CTNNA1: variants seen among roughly 807,000 people sequenced by gnomAD.
The protein encoded by CTNNA1 is catenin alpha 1.
CTNNA1 carries 37 observed loss-of-function variants against 98.4 expected under a neutral mutation model. That is an observed-to-expected ratio of 0.38 (90% CI 0.29 to 0.49). The LOEUF (loss-of-function observed/expected upper bound fraction) is 0.49. Ranked by LOEUF, CTNNA1 falls within the 20% of genes least tolerant of loss-of-function variation. The pLI, the probability that CTNNA1 is intolerant of heterozygous loss-of-function variation, is 0.95. For synonymous variants in CTNNA1, 404 were observed against 413.2 expected (o/e 0.98, Z 0.27); for missense variants, 761 against 1,147.2 (o/e 0.66, Z 4.86).
At chr5:138,887,756 G>A in intron 9 of CTNNA1, 114 bp downstream of exon 9, 2 of 817,124 alleles carry the variant, frequency 2.4e-6, no homozygotes, top group Non-Finnish European at 3.9e-6. Context: ...CATACAACAT[G>A]TCTGAGATGA....
At chr5:138,771,098 A>G (rs1354724587) in intron 1 of CTNNA1, among the ~76,000 whole-genome samples, 2 of 152,118 alleles carry the variant, frequency 1.3e-5, no homozygotes, top group Admixed American at 6.6e-5. Context: ...CATTATTGCA[A>G]TGAAGGCTTC....
intron 10 of CTNNA1, among the ~76,000 whole-genome samples, chr5:138,917,301 T>G (rs1761999594): frequency 6.6e-6 from 1 of 152,222 alleles, no homozygotes; most frequent in African/African-American, 2.4e-5. Flanking sequence ...AATAGGAGAA[T>G]AACAGTGTGT....
chr5:138,762,641 GTT>G (rs547785205), intron 1 of CTNNA1, among the ~76,000 whole-genome samples: 2 of 144,150 alleles, frequency 1.4e-5, no homozygotes. Flanking sequence ...TTAATTTGTG[GTT>G]TTTTTTTTTT....
chr5:138,824,306 G>A (rs1760411663), intron 5 of CTNNA1, among the ~76,000 whole-genome samples: 1 of 152,130 alleles, frequency 6.6e-6, no homozygotes, highest in Non-Finnish European at 1.5e-5. Flanking sequence ...GTAGAAGTGG[G>A]TGTGGGGTGG....
intron 9 of CTNNA1, among the ~76,000 whole-genome samples, chr5:138,897,993 G>T (rs1218771321): frequency 6.6e-6 from 1 of 152,114 alleles, no homozygotes; most frequent in Non-Finnish European, 1.5e-5. Context: ...GATACAGTTT[G>T]GGTATTTGTC....
chr5:138,824,592 C>CG lies in CTNNA1; in HGVS notation c.652dup (p.Val218GlyfsTer16). The CG allele has an allele frequency of 6.2e-7, 1 of 1,614,216 alleles. No individual in the cohort carries two copies. Among genetic ancestry groups the CG allele is most frequent in the Non-Finnish European group, 8.5e-7 (1 of 1,180,040 alleles). On this transcript the variant is annotated frameshift_variant, in exon 6 of 18. Transcript: ENST00000302763. LOFTEE classifies it high-confidence loss of function. ...CAGCTAGAGGAATCCTGCAGAAGAA[C>CG]GTTCCGATCCTCTATACTGCATCCC...
At chr5:138,890,255 G>A (rs1755058455) in intron 9 of CTNNA1, among the ~76,000 whole-genome samples, 1 of 152,138 alleles carries the variant, frequency 6.6e-6, no homozygotes, top group Admixed American at 6.5e-5. Flanking sequence ...TGTTTGGGTT[G>A]AGTGCTCCTC....
chr5:138,806,049 A>C (rs1758049650), intron 3 of CTNNA1, among the ~76,000 whole-genome samples: 1 of 152,130 alleles, frequency 6.6e-6, no homozygotes, highest in South Asian at 2.1e-4. Context: ...GGTTTTGATA[A>C]ATTTTGTAAG....
chr5:138,813,259 A>G (rs1581123320), intron 5 of CTNNA1, among the ~76,000 whole-genome samples: 1 of 152,208 alleles, frequency 6.6e-6, no homozygotes, highest in African/African-American at 2.4e-5. Context: ...TCTTTGCATG[A>G]CATCTGCACA....
At chr5:138,810,663 C>T (rs1030256540) in intron 4 of CTNNA1, among the ~76,000 whole-genome samples, 1 of 152,202 alleles carries the variant, frequency 6.6e-6, no homozygotes, top group African/African-American at 2.4e-5. Context: ...TAGTACAGAA[C>T]AAAATGAAGT....
At chr5:138,905,158 C>T (rs539920526) in intron 10 of CTNNA1, among the ~76,000 whole-genome samples, 11 of 151,038 alleles carry the variant, frequency 7.3e-5, no homozygotes. Flanking sequence ...AACATGATGG[C>T]GTGCACCTGT....
rs574776607 is a variant in CTNNA1 at position 138,847,541 on chromosome 5, C to T, written c.1062+19823C>T. 9.2e-5 allele frequency among the ~76,000 whole-genome samples: 14 copies of T among 152,196 alleles called. No homozygotes were observed. The South Asian group carries it at 1.5e-3, about 16-fold the overall frequency. On this transcript the variant is annotated intron_variant, in intron 7 of 17. Coordinates refer to ENST00000302763, the MANE Select transcript of CTNNA1 (RefSeq NM_001903.5). ...GTCCACTTTTTATTGTTGCTTTATTCGGGGGATATTTACTTTCCTTTTGAA... is the reference window on the plus strand; with the variant it reads ...GTCCACTTTTTATTGTTGCTTTATTTGGGGGATATTTACTTTCCTTTTGAA...
rs73267577 is a variant in CTNNA1, at chr5:138,788,765, A to G, written c.301+5393A>G. On this transcript the variant is annotated intron_variant, in intron 3 of 17. Transcript: ENST00000302763. The stretch of plus-strand genomic sequence containing the variant: ...AAATGAAGCTTTTTTGAAAAAGGAG[A>G]GATATTATGAACAGAGGCCCATTAA... Among the ~76,000 whole-genome samples the G allele has an allele frequency of 8.3e-3, 1,270 of 152,284 alleles. 23 individuals carry two copies. Among genetic ancestry groups the G allele is most frequent in the African/African-American group, 0.024 (1,000 of 41,562 alleles).
At chr5:138,781,658 T>C (rs1420505692) in intron 1 of CTNNA1, among the ~76,000 whole-genome samples, 1 of 152,184 alleles carries the variant, frequency 6.6e-6, no homozygotes, top group Non-Finnish European at 1.5e-5. Flanking sequence ...TAGGAAGTCT[T>C]GGTGCTAGAG....
chr5:138,754,258 A>G (rs1207911756), intron 1 of CTNNA1: 1 of 143,330 alleles, frequency 7.0e-6, no homozygotes, highest in Non-Finnish European at 1.5e-5. Flanking sequence ...ATTGTTGTTG[A>G]CTTTTAAAGG....
Position 138,929,335 on chromosome 5 carries a change from G to C in CTNNA1, c.1989G>C (p.Leu663=). 1 of 1,602,584 alleles carries C rather than the reference G, an allele frequency of 6.2e-7. No homozygotes were observed. The change falls in exon 14 of 18, where the codon CTG becomes CTC. Residue 663 remains leucine, a synonymous_variant. Coordinates refer to ENST00000302763, the MANE Select transcript of CTNNA1 (RefSeq NM_001903.5). ...RTSVQTEDDQ[L]IAGQSARAIM... ...GCGTCCAGACAGAAGACGATCAGCTGATAGCTGGCCAGAGTGCCCGGGTAA... is the reference window on the plus strand; with the variant it reads ...GCGTCCAGACAGAAGACGATCAGCTCATAGCTGGCCAGAGTGCCCGGGTAA...
chr5:138,849,604 C>T (rs1972072), intron 7 of CTNNA1, among the ~76,000 whole-genome samples: 1 of 151,970 alleles, frequency 6.6e-6, no homozygotes, highest in Admixed American at 6.5e-5. Flanking sequence ...GAGGCACGTG[C>T]GCTGGCTGGT....
chr5:138,908,485 G>A (rs1256311050), intron 10 of CTNNA1, among the ~76,000 whole-genome samples: 1 of 152,146 alleles, frequency 6.6e-6, no homozygotes, highest in Non-Finnish European at 1.5e-5. Context: ...CTGGGCAACA[G>A]AGCGAGACCC....
chr5:138,885,362 G>A (rs1244324911), intron 7 of CTNNA1, among the ~76,000 whole-genome samples: 1 of 152,098 alleles, frequency 6.6e-6, no homozygotes, highest in Non-Finnish European at 1.5e-5. Flanking sequence ...AACCGTATTT[G>A]TTTTGCGAAA....
Sources: gnomAD v4.1 joint callset for allele counts (sites outside exome capture counted in the v4.1 genomes callset) on GRCh38, gnomAD v4.1.1 for gene constraint, MANE v1.5 for transcripts, NCBI Gene and HGNC (gene_info 2026-07-23, HGNC 2026-07-21) for gene names.